The following ARIH2 variants were observed in gnomAD, a reference collection of about 807,000 sequenced individuals.
The protein encoded by ARIH2 is ariadne RBR E3 ubiquitin protein ligase 2.
A neutral mutation model predicts 79.8 loss-of-function variants in ARIH2; 12 were observed. That is an observed-to-expected ratio of 0.15 (90% CI 0.10 to 0.24). The LOEUF is 0.24. Ranked by LOEUF, ARIH2 falls within the 10% of genes least tolerant of loss-of-function variation. The pLI, the probability that ARIH2 is intolerant of heterozygous loss-of-function variation, is 1.00. For missense variants in ARIH2, 301 were observed against 618.3 expected (o/e 0.49, Z 5.44); for synonymous variants, 224 against 213.9 (o/e 1.05, Z -0.41).
chr3:48,957,010 GCCTAT>G (rs536926760), intron 3 of ARIH2, among the ~76,000 whole-genome samples: 50 of 152,320 alleles, frequency 3.3e-4, no homozygotes, highest in African/African-American at 1.1e-3. Context: ...ACTGTGCCTG[GCCTAT>G]CCTATACGTA....
chr3:48,919,754 A>T (rs1164388531), intron 1 of ARIH2, among the ~76,000 whole-genome samples: 1 of 152,128 alleles, frequency 6.6e-6, no homozygotes, highest in African/African-American at 2.4e-5. Context: ...ACAGATACAA[A>T]GTGTAGGATT....
chr3:48,930,602 G>A (rs2086239917), intron 3 of ARIH2, among the ~76,000 whole-genome samples: 1 of 152,142 alleles, frequency 6.6e-6, no homozygotes, highest in African/African-American at 2.4e-5. Flanking sequence ...ACAAGCATGA[G>A]CTACCACTCC....
chr3:48,945,174 T>G (rs2107298530), intron 3 of ARIH2: 1 of 1,289,810 alleles, frequency 7.8e-7, no homozygotes, highest in South Asian at 1.2e-5. Flanking sequence ...ATCCTCCCTA[T>G]GGCACTGGTA....
chr3:48,964,829 C>A, intron 4 of ARIH2, 90 bp from the exon 5 acceptor site: 2 of 978,782 alleles, frequency 2.0e-6, no homozygotes, highest in Non-Finnish European at 1.6e-6. Context: ...GACAAAGATG[C>A]TCTAAACATC....
At chr3:48,976,127 G>A (rs1350632466) in intron 11 of ARIH2, among the ~76,000 whole-genome samples, 1 of 150,294 alleles carries the variant, frequency 6.7e-6, no homozygotes, top group Non-Finnish European at 1.5e-5. Flanking sequence ...AGCCAGGCTG[G>A]TGTCCAACTC....
In ARIH2 at chr3:48,973,569, CTG is replaced by C. The variant is rs1460995268; in HGVS notation, c.771-128_771-127del. 8.2e-6 allele frequency: 5 copies of C among 612,966 alleles called. No individual in the cohort carries two copies. The African/African-American group carries it at 9.9e-5, about 12-fold the overall frequency. 38.0% of individuals were successfully genotyped at this position (612,966 alleles called of 1,614,324 possible). A position where few individuals can be genotyped will look rare whatever the true frequency, so the allele number is the denominator to read the frequency against. On this transcript the variant is annotated intron_variant, in intron 8 of 15. Coordinates refer to ENST00000356401, the MANE Select transcript of ARIH2 (RefSeq NM_006321.4). ...TCCAGCCTGGCGACAGAGCAAGACT[CTG>C]TCTCAAAAAAAAAAAAAAAAAGAAA... is the stretch of plus-strand genomic sequence containing the variant.
At chr3:48,942,742 C>T (rs888734795) in intron 3 of ARIH2, among the ~76,000 whole-genome samples, 2 of 151,494 alleles carry the variant, frequency 1.3e-5, no homozygotes, top group Admixed American at 6.6e-5. Flanking sequence ...ACCTCCGCCT[C>T]CCAGGTTCAA....
chr3:48,981,068 G>A lies in ARIH2; in HGVS notation c.1257+572G>A, dbSNP rs1439390965. ...GATTGGGCAGGGTGCAGTGTCTCACGCCTATGATCCCAGCACTTCGGAAGG... is the reference window on the plus strand; with the variant it reads ...GATTGGGCAGGGTGCAGTGTCTCACACCTATGATCCCAGCACTTCGGAAGG... On this transcript the variant is annotated intron_variant, in intron 13 of 15. Coordinates refer to ENST00000356401, the MANE Select transcript of ARIH2 (RefSeq NM_006321.4). 2.2e-5 allele frequency among the ~76,000 whole-genome samples: 3 copies of A among 135,772 alleles called. 1 individual carries two copies. The highest frequency in any genetic ancestry group is 8.2e-5 in the African/African-American group (3 of 36,392). 89.1% of individuals were successfully genotyped at this position (135,772 alleles called of 152,430 possible).
intron 9 of ARIH2, among the ~76,000 whole-genome samples, chr3:48,974,082 ATTATGATTGAACGCCTACCAGCC>A (rs1243930912): frequency 1.3e-5 from 2 of 152,206 alleles, no homozygotes; most frequent in Admixed American, 6.5e-5. Flanking sequence ...AAGAGAACTA[ATTATGATTGAACGCCTACCAGCC>A]TTTAACAGCC....
intron 1 of ARIH2, chr3:48,921,389 C>T (rs1230094339): frequency 1.4e-5 from 2 of 147,752 alleles, no homozygotes; most frequent in Admixed American, 6.8e-5. Context: ...TGGAGTTTTC[C>T]CCACCTAAAT....
chr3:48,976,036 G>A (rs1264237282), intron 11 of ARIH2, among the ~76,000 whole-genome samples: 1 of 151,338 alleles, frequency 6.6e-6, no homozygotes, highest in African/African-American at 2.4e-5. Flanking sequence ...TCAGCCTCCT[G>A]AGTAGCTGGG....
chr3:48,934,444 A>G, intron 3 of ARIH2: 1 of 985,204 alleles, frequency 1.0e-6, no homozygotes, highest in Non-Finnish European at 1.2e-6. Flanking sequence ...TGTTGTTATT[A>G]TTGTTGCTAC....
chr3:48,963,249 A>C (rs2091459877), intron 4 of ARIH2, among the ~76,000 whole-genome samples: 1 of 152,200 alleles, frequency 6.6e-6, no homozygotes, highest in Non-Finnish European at 1.5e-5. Flanking sequence ...CTGCCTTATT[A>C]TTATACTACT....
intron 3 of ARIH2, among the ~76,000 whole-genome samples, chr3:48,933,363 A>G (rs556516916): frequency 6.6e-6 from 1 of 150,464 alleles, no homozygotes; most frequent in East Asian, 2.0e-4. Flanking sequence ...GGGTTTTGCC[A>G]TGTTACCCAG....
chr3:48,931,331 G>T (rs1463673326), intron 3 of ARIH2, among the ~76,000 whole-genome samples: 1 of 152,122 alleles, frequency 6.6e-6, no homozygotes, highest in Non-Finnish European at 1.5e-5. Context: ...GGATCACGAG[G>T]TCAGGAGATC....
chr3:48,975,021 T>G, intron 11 of ARIH2, 42 bp downstream of exon 11: 1 of 1,614,212 alleles, frequency 6.2e-7, no homozygotes, highest in Non-Finnish European at 8.5e-7. Context: ...TGGCACTTTC[T>G]TGTGGTTGGG....
intron 3 of ARIH2, among the ~76,000 whole-genome samples, chr3:48,938,279 G>A (rs2087467184): frequency 6.6e-6 from 1 of 152,136 alleles, no homozygotes; most frequent in Admixed American, 6.5e-5. Flanking sequence ...GGCTGCACAT[G>A]CCTTTGCCCT....
intron 3 of ARIH2, among the ~76,000 whole-genome samples, chr3:48,938,774 G>T: frequency 6.6e-6 from 1 of 152,004 alleles, no homozygotes; most frequent in East Asian, 1.9e-4. Flanking sequence ...ATGTAAGCCA[G>T]TTTATCTAAA....
chr3:48,945,407 G>A (rs1056988758), intron 3 of ARIH2, among the ~76,000 whole-genome samples: 3 of 152,180 alleles, frequency 2.0e-5, no homozygotes, highest in Non-Finnish European at 2.9e-5. Context: ...GCCTTGATCC[G>A]TATATAAAAT....
Sources: allele counts gnomAD v4.1 joint callset (sites outside exome capture counted in the v4.1 genomes callset), GRCh38; gene constraint gnomAD v4.1.1; transcripts MANE v1.5; gene names NCBI Gene and HGNC (gene_info 2026-07-23, HGNC 2026-07-21).